The following NUDCD1 variants were observed in gnomAD, a reference collection of about 807,000 sequenced individuals.
NUDCD1 encodes the protein nudC domain-containing protein 1.
Under a neutral mutation model 67.8 loss-of-function variants are expected in NUDCD1, and 60 were observed. The observed-to-expected ratio is 0.88, with a 90% confidence interval of 0.72 to 1.10. The LOEUF (loss-of-function observed/expected upper bound fraction) is 1.10, where lower values mean the gene tolerates loss of function less well. Among genes scored for constraint, NUDCD1 ranks in the 50% least tolerant of loss-of-function variants. The pLI, the probability that NUDCD1 is intolerant of heterozygous loss-of-function variation, is 0.00. For synonymous variants in NUDCD1, 244 were observed against 230.8 expected (o/e 1.06, Z -0.52); for missense variants, 643 against 695.0 (o/e 0.93, Z 0.84).
chr8:109,275,273 G>T, intron 7 of NUDCD1, 79 bp downstream of exon 7: 1 of 1,375,244 alleles, frequency 7.3e-7, no homozygotes, highest in Non-Finnish European at 1.0e-6. Context: ...GCAAAATATT[G>T]TTTGAAAAGC....
intron 8 of NUDCD1, among the ~76,000 whole-genome samples, chr8:109,266,823 G>C (rs560431195): frequency 6.6e-6 from 1 of 151,962 alleles, no homozygotes; most frequent in South Asian, 2.1e-4. Flanking sequence ...TTCTTTTATT[G>C]TGCTGCTTCA....
At chr8:109,289,663 G>T in intron 5 of NUDCD1, 88 bp downstream of exon 5, 1 of 675,790 alleles carries the variant, frequency 1.5e-6, no homozygotes, top group Non-Finnish European at 2.4e-6. Context: ...TCTTGCCCTT[G>T]TAGAACTATT....
intron 2 of NUDCD1, chr8:109,316,495 T>C (rs1815398526): frequency 6.6e-6 from 1 of 152,182 alleles, no homozygotes; most frequent in African/African-American, 2.4e-5. Context: ...CTAGGATTTG[T>C]GCACGTGTGC....
At position 109,242,667 on chromosome 8, in the gene NUDCD1, GAACA is replaced by G. The variant is rs1429276895; in HGVS notation, c.*338_*341del. 1 of 174,834 alleles carries G rather than the reference GAACA, an allele frequency of 5.7e-6. No individual in the cohort carries two copies. Among genetic ancestry groups the G allele is most frequent in the Non-Finnish European group, 1.2e-5 (1 of 81,436 alleles). The allele number at this position is 174,834 out of a possible 1,614,324, so 10.8% of individuals were successfully genotyped here. A position where few individuals can be genotyped will look rare whatever the true frequency, so the allele number is the denominator to read the frequency against. Reference sequence around the variant, plus strand: ...GTACAGCCTGTAGCAACTAATCAACGAACAGAGTACACAATAAATATTTTTATTT... The same window carrying G: ...GTACAGCCTGTAGCAACTAATCAACGGAGTACACAATAAATATTTTTATTT... On this transcript the variant is annotated 3_prime_UTR_variant, in exon 10 of 10. Coordinates refer to ENST00000239690, the MANE Select transcript of NUDCD1 (RefSeq NM_032869.4).
intron 7 of NUDCD1, among the ~76,000 whole-genome samples, chr8:109,272,978 A>C (rs1033107270): frequency 6.6e-6 from 1 of 152,134 alleles, no homozygotes; most frequent in African/African-American, 2.4e-5. Flanking sequence ...TCCCCTTCCA[A>C]TTATTCATAC....
chr8:109,277,620 C>T (rs1010513040), intron 6 of NUDCD1, among the ~76,000 whole-genome samples: 2 of 152,166 alleles, frequency 1.3e-5, no homozygotes, highest in Non-Finnish European at 2.9e-5. Flanking sequence ...ATACCACCTA[C>T]GCTACATTGT....
At chr8:109,293,220 C>A in intron 4 of NUDCD1, 124 bp downstream of exon 4, 1 of 508,726 alleles carries the variant, frequency 2.0e-6, no homozygotes, top group Non-Finnish European at 3.5e-6. Flanking sequence ...CCAGTGGTGG[C>A]AGGTGCCAGA....
chr8:109,302,065 G>A (rs1407153610), intron 2 of NUDCD1, among the ~76,000 whole-genome samples: 1 of 152,070 alleles, frequency 6.6e-6, no homozygotes, highest in African/African-American at 2.4e-5. Flanking sequence ...CCTTCACTAT[G>A]GGCAACCTTC....
intron 2 of NUDCD1, among the ~76,000 whole-genome samples, chr8:109,312,293 A>G (rs911138377): frequency 5.7e-4 from 64 of 111,692 alleles, no homozygotes; most frequent in African/African-American, 2.6e-3. Context: ...AGAGCGAGAC[A>G]CTGTCAAAAA....
Position 109,289,785 on chromosome 8 carries a change from T to C in NUDCD1, c.789A>G (p.Glu263=). Residue 263 remains glutamate, a synonymous_variant, in exon 5 of 10, where the codon GAA becomes GAG. Coordinates refer to ENST00000239690, the MANE Select transcript of NUDCD1 (RefSeq NM_032869.4). ...TCTCTGATATGTCTTCATCCATATT[T>C]TCTTCAAGATCTTGACCAGCCTGAA... ...TFVQAGQDLE[E]NMDEDISEKI... 1 of 1,548,098 alleles carries C rather than the reference T, an allele frequency of 6.5e-7. No homozygotes were observed. The highest frequency in any genetic ancestry group is 1.4e-5 in the African/African-American group (1 of 72,792).
intron 8 of NUDCD1, 146 bp from the exon 9 acceptor site, chr8:109,245,627 C>A (rs191292225): frequency 9.9e-6 from 6 of 603,878 alleles, no homozygotes; most frequent in African/African-American, 5.6e-5. Context: ...CTCATAATAT[C>A]CCTGAGATAA....
intron 6 of NUDCD1, among the ~76,000 whole-genome samples, chr8:109,280,057 G>C (rs1814395597): frequency 6.6e-6 from 1 of 152,052 alleles, no homozygotes; most frequent in Non-Finnish European, 1.5e-5. Context: ...TCCACTTTTA[G>C]AAATTTATCC....
At chr8:109,257,070 T>C (rs986261113) in intron 8 of NUDCD1, among the ~76,000 whole-genome samples, 4 of 152,112 alleles carry the variant, frequency 2.6e-5, no homozygotes, top group Non-Finnish European at 5.9e-5. Context: ...CCACTCAATC[T>C]TTCTTCCTAA....
At chr8:109,282,029 G>A (rs985828945) in intron 5 of NUDCD1, among the ~76,000 whole-genome samples, 1 of 152,186 alleles carries the variant, frequency 6.6e-6, no homozygotes, top group Non-Finnish European at 1.5e-5. Flanking sequence ...AGAACTTGGG[G>A]CTGGGAGGGT....
chr8:109,278,317 T>C (rs1377565555), intron 6 of NUDCD1, among the ~76,000 whole-genome samples: 3 of 152,204 alleles, frequency 2.0e-5, no homozygotes, highest in African/African-American at 7.2e-5. Flanking sequence ...CCTGGAATAA[T>C]AGATTTGCAA....
In NUDCD1 at chr8:109,242,507, C is replaced by T. The variant is rs1296933113; in HGVS notation, c.*502G>A. 3 of 182,104 alleles carry T rather than the reference C, an allele frequency of 1.6e-5. No individual in the cohort carries two copies. 11.3% of individuals were successfully genotyped at this position (182,104 alleles called of 1,614,324 possible). On this transcript the variant is annotated 3_prime_UTR_variant, in exon 10 of 10. Coordinates refer to ENST00000239690, the MANE Select transcript of NUDCD1 (RefSeq NM_032869.4). ...TTAATTTGAAAATAATAATAAAGGT[C>T]TCTCAGTAAACTTAAAAAATATTAG...
intron 8 of NUDCD1, 53 bp from the exon 9 acceptor site, chr8:109,245,534 CAAT>C (rs1326606892): frequency 1.4e-5 from 20 of 1,405,312 alleles, no homozygotes; most frequent in Non-Finnish European, 1.9e-5. Context: ...ATAATAGCAA[CAAT>C]AACAATGGCA....
chr8:109,276,977 C>T (rs891992627), intron 6 of NUDCD1, among the ~76,000 whole-genome samples: 1 of 152,020 alleles, frequency 6.6e-6, no homozygotes, highest in African/African-American at 2.4e-5. Flanking sequence ...GACTGAGTTA[C>T]ATTTTCTAAG....
At chr8:109,288,859 G>T (rs1814632530) in intron 5 of NUDCD1, among the ~76,000 whole-genome samples, 1 of 151,990 alleles carries the variant, frequency 6.6e-6, no homozygotes, top group Non-Finnish European at 1.5e-5. Flanking sequence ...CTATTCTCTG[G>T]CTATGAACAT....
Sources: gnomAD v4.1 joint callset for allele counts (sites outside exome capture counted in the v4.1 genomes callset) on GRCh38, gnomAD v4.1.1 for gene constraint, MANE v1.5 for transcripts, NCBI Gene and HGNC (gene_info 2026-07-23, HGNC 2026-07-21) for gene names.